MTUS2: variants seen among roughly 807,000 people sequenced by gnomAD.
MTUS2 encodes microtubule associated scaffold protein 2.
MTUS2 carries 40 observed loss-of-function variants against 114.1 expected under a neutral mutation model. The observed-to-expected ratio is 0.35, with a 90% CI of 0.27 to 0.46. The LOEUF (loss-of-function observed/expected upper bound fraction) is 0.46. MTUS2 is among the 20% of genes least tolerant of loss of function. The probability of loss-of-function intolerance (pLI) is 1.00; values close to 1 mark genes in which losing one functional copy is unlikely to be tolerated. For missense variants in MTUS2, 1,679 were observed against 1,705.4 expected (o/e 0.98, Z 0.27); for synonymous variants, 688 against 672.0 (o/e 1.02, Z -0.37).
chr13:29,331,885 A>G (rs1900794898), intron 7 of MTUS2, among the ~76,000 whole-genome samples: 1 of 152,240 alleles, frequency 6.6e-6, no homozygotes, highest in African/African-American at 2.4e-5. Context: ...ATGTTGAACC[A>G]GCTTTGCATC....
intron 5 of MTUS2, among the ~76,000 whole-genome samples, chr13:29,245,778 G>T (rs1593216679): frequency 6.8e-6 from 1 of 146,566 alleles, no homozygotes; most frequent in Non-Finnish European, 1.5e-5. Flanking sequence ...CTCACTGCAA[G>T]CTCTGCCTCC....
At chr13:29,334,695 C>G (rs930237715) in intron 7 of MTUS2, among the ~76,000 whole-genome samples, 1 of 152,046 alleles carries the variant, frequency 6.6e-6, no homozygotes, top group Admixed American at 6.5e-5. Context: ...GTGCTCTTCT[C>G]GAGGAGTATC....
At chr13:29,097,618 A>G (rs1311478331) in intron 4 of MTUS2, among the ~76,000 whole-genome samples, 2 of 152,204 alleles carry the variant, frequency 1.3e-5, no homozygotes, top group Non-Finnish European at 2.9e-5. Flanking sequence ...GCGTATAAAA[A>G]CAGAAATGTA....
At chr13:28,906,516 A>C (rs1337462290) in intron 2 of MTUS2, among the ~76,000 whole-genome samples, 1 of 151,520 alleles carries the variant, frequency 6.6e-6, no homozygotes, top group African/African-American at 2.4e-5. Flanking sequence ...TTATGTACCC[A>C]GTAGTCATTC....
chr13:29,129,189 CTTT>C lies in MTUS2; in HGVS notation c.2644+28235_2644+28237del, dbSNP rs10610501. The stretch of plus-strand genomic sequence containing the variant: ...AATGGAACTGTTTTCCCCTGGCAGT[CTTT>C]TTTTTTTTTTTTTTTCCCCATCCGG... On this transcript the variant is annotated intron_variant, in intron 5 of 15. Coordinates refer to ENST00000612955, the MANE Select transcript of MTUS2 (RefSeq NM_001033602.4). 3.3e-3 allele frequency among the ~76,000 whole-genome samples: 452 copies of C among 138,484 alleles called. 2 individuals carry two copies. Among genetic ancestry groups the C allele is most frequent in the African/African-American group, 9.4e-3 (354 of 37,766 alleles). The allele number at this position is 138,484 out of a possible 152,430, so 90.9% of individuals were successfully genotyped here.
chr13:29,009,217 T>A (rs1885732818), intron 2 of MTUS2, among the ~76,000 whole-genome samples: 1 of 152,076 alleles, frequency 6.6e-6, no homozygotes, highest in Non-Finnish European at 1.5e-5. Context: ...TAAAAATATT[T>A]TCTCCTGTCT....
intron 9 of MTUS2, among the ~76,000 whole-genome samples, chr13:29,472,184 C>T (rs1323091047): frequency 6.6e-6 from 1 of 152,110 alleles, no homozygotes; most frequent in African/African-American, 2.4e-5. Context: ...GCCACCAAGC[C>T]TGGTTAATGT....
At chr13:29,137,617 C>A (rs901283855) in intron 5 of MTUS2, among the ~76,000 whole-genome samples, 1 of 151,078 alleles carries the variant, frequency 6.6e-6, no homozygotes, top group African/African-American at 2.4e-5. Context: ...TTCCTTCTTT[C>A]TTCTTTCTTC....
intron 2 of MTUS2, among the ~76,000 whole-genome samples, chr13:28,916,024 A>G (rs1172516848): frequency 4.0e-5 from 6 of 151,804 alleles, no homozygotes; most frequent in Non-Finnish European, 8.8e-5. Context: ...ATGGATATCC[A>G]GTTTTCCCAG....
intron 2 of MTUS2, among the ~76,000 whole-genome samples, chr13:28,904,259 G>C (rs1354230743): frequency 3.9e-5 from 6 of 152,132 alleles, no homozygotes; most frequent in Admixed American, 6.6e-5. Context: ...AAGCTCTTTA[G>C]TTTAATTAGA....
chr13:29,158,358 C>CCCCCCCCTTCTTTT, intron 5 of MTUS2, among the ~76,000 whole-genome samples: 7 of 32,048 alleles, frequency 2.2e-4, no homozygotes, highest in South Asian at 1.2e-3. Context: ...GTCCACCCCG[C>CCCCCCCCTTCTTTT]TTTTTTTTTT....
intron 6 of MTUS2, among the ~76,000 whole-genome samples, chr13:29,312,016 T>C (rs73437916): frequency 0.1 from 15,206 of 152,154 alleles, 1,167 homozygotes; most frequent in African/African-American, 0.21. Context: ...GTCCCTTCAC[T>C]CCGGTACCTT....
intron 7 of MTUS2, among the ~76,000 whole-genome samples, chr13:29,349,206 G>T (rs1593334281): frequency 1.3e-5 from 2 of 151,816 alleles, no homozygotes; most frequent in East Asian, 3.9e-4. Flanking sequence ...TGTGTTCTCA[G>T]TGGTTGTTTT....
intron 5 of MTUS2, among the ~76,000 whole-genome samples, chr13:29,248,598 T>C (rs1389742386): frequency 6.6e-6 from 1 of 152,328 alleles, no homozygotes; most frequent in East Asian, 1.9e-4. Flanking sequence ...AAGCCCCACA[T>C]GCATTAGCTA....
intron 5 of MTUS2, among the ~76,000 whole-genome samples, chr13:29,163,232 T>A (rs1893176092): frequency 6.6e-6 from 1 of 152,030 alleles, no homozygotes. Context: ...TAAATGAAAA[T>A]GGGCTGCTGT....
chr13:29,138,832 C>G (rs1467730505), intron 5 of MTUS2, among the ~76,000 whole-genome samples: 1 of 151,924 alleles, frequency 6.6e-6, no homozygotes, highest in Admixed American at 6.6e-5. Context: ...GAGCCACCAC[C>G]ATATGAATAA....
chr13:28,957,855 A>G (rs1318228586), intron 2 of MTUS2, among the ~76,000 whole-genome samples: 3 of 152,204 alleles, frequency 2.0e-5, no homozygotes, highest in Admixed American at 1.3e-4. Context: ...ACCCTGCAAT[A>G]TGATGCCAGG....
chr13:29,069,365 C>T (rs1888804799), intron 4 of MTUS2, among the ~76,000 whole-genome samples: 1 of 152,122 alleles, frequency 6.6e-6, no homozygotes. Flanking sequence ...GATTGATGTC[C>T]TAGTTCAATC....
At chr13:28,988,383 G>T (rs1489480908) in intron 2 of MTUS2, among the ~76,000 whole-genome samples, 1 of 152,182 alleles carries the variant, frequency 6.6e-6, no homozygotes, top group Admixed American at 6.5e-5. Context: ...AAATCTGTTT[G>T]TTCCCGGGGA....
Sources: allele counts gnomAD v4.1 joint callset (sites outside exome capture counted in the v4.1 genomes callset), GRCh38; gene constraint gnomAD v4.1.1; transcripts MANE v1.5; gene names NCBI Gene and HGNC (gene_info 2026-07-23, HGNC 2026-07-21).